NSMCE4A: variants seen among roughly 807,000 people sequenced by gnomAD.
NSMCE4A encodes the protein NSE4A component of SMC5/6 complex.
Under a neutral mutation model 47.9 loss-of-function variants are expected in NSMCE4A, and 40 were observed. The ratio of observed to expected loss-of-function variants is 0.83; its 90% CI spans 0.65 to 1.09. The LOEUF (loss-of-function observed/expected upper bound fraction) is 1.09. Among genes scored for constraint, NSMCE4A ranks in the 50% least tolerant of loss-of-function variants. The probability of loss-of-function intolerance (pLI) is 0.00; values close to 1 mark genes in which losing one functional copy is unlikely to be tolerated. For missense variants in NSMCE4A, 500 were observed against 507.0 expected (o/e 0.99, Z 0.13); for synonymous variants, 166 against 178.5 (o/e 0.93, Z 0.56).
At chr10:121,967,932 G>T in intron 3 of NSMCE4A, 126 bp from the exon 4 acceptor site, 1 of 887,808 alleles carries the variant, frequency 1.1e-6, no homozygotes, top group Admixed American at 2.8e-5. Flanking sequence ...GTCTTAACAT[G>T]CTGGCTAAAT....
intron 3 of NSMCE4A, among the ~76,000 whole-genome samples, chr10:121,968,230 C>T (rs1952643313): frequency 6.6e-6 from 1 of 152,104 alleles, no homozygotes; most frequent in South Asian, 2.1e-4. Flanking sequence ...CAAAGACATG[C>T]CCAGCTCAAA....
At chr10:121,970,824 T>C (rs966594497) in intron 3 of NSMCE4A, 115 bp downstream of exon 3, 24 of 962,598 alleles carry the variant, frequency 2.5e-5, no homozygotes, top group Non-Finnish European at 3.4e-5. Context: ...CAGAGGAATC[T>C]GAGACCAAAA....
intron 10 of NSMCE4A, 72 bp downstream of exon 10, chr10:121,959,252 G>T: frequency 1.5e-6 from 2 of 1,332,842 alleles, no homozygotes; most frequent in South Asian, 1.2e-5. Context: ...CACTGGAATG[G>T]GGAAAAGGGA....
At chr10:121,959,708 T>A in intron 8 of NSMCE4A, 113 bp from the exon 9 acceptor site, 2 of 685,008 alleles carry the variant, frequency 2.9e-6, no homozygotes, top group Admixed American at 5.2e-5. Flanking sequence ...AAGATACTTA[T>A]AATATTACAT....
In NSMCE4A at chr10:121,960,587, T is replaced by C. The variant is rs928758130; in HGVS notation, c.940-181A>G. Among the ~76,000 whole-genome samples the C allele has an allele frequency of 6.6e-6, 1 of 152,170 alleles. No homozygotes were observed. The highest frequency in any genetic ancestry group is 1.5e-5 in the Non-Finnish European group (1 of 68,010). ...TATCTTTTATTTACACAGGGTATCT[T>C]TGGGTTTCTAATCAGCTCTTTCACC... On this transcript the variant is annotated intron_variant, in intron 7 of 10. Coordinates refer to ENST00000369023, the MANE Select transcript of NSMCE4A (RefSeq NM_017615.3). The surrounding 1 kb of genome is among the most constrained non-coding windows in gnomAD (Gnocchi z 4.2).
intron 10 of NSMCE4A, among the ~76,000 whole-genome samples, chr10:121,958,825 C>CTTTTTTTTTTTTTT (rs778070060): frequency 0.085 from 12,259 of 144,836 alleles, 829 homozygotes; most frequent in East Asian, 0.12. Flanking sequence ...AGCTGCAAGT[C>CTTTTTTTTTTTTTT]TTTTTTTTGA....
chr10:121,971,421 G>T (rs1952709137), intron 2 of NSMCE4A, among the ~76,000 whole-genome samples: 2 of 152,104 alleles, frequency 1.3e-5, no homozygotes, highest in Admixed American at 1.3e-4. Context: ...GAGGCAGAAT[G>T]GCGTGAACCC....
intron 6 of NSMCE4A, 108 bp from the exon 7 acceptor site, chr10:121,961,625 G>T: frequency 1.5e-6 from 1 of 654,758 alleles, no homozygotes; most frequent in Non-Finnish European, 2.4e-6. Flanking sequence ...TCCTGCTGCA[G>T]GAGTGCAAAT....
At chr10:121,973,968 A>G (rs41317248) in intron 2 of NSMCE4A, 36 bp downstream of exon 2, 2 of 1,421,082 alleles carry the variant, frequency 1.4e-6, no homozygotes, top group South Asian at 2.5e-5. Flanking sequence ...TAAAAGTATC[A>G]TAAAACACGA....
At position 121,961,410 on chromosome 10, in the gene NSMCE4A, T is replaced by A; in HGVS notation, c.939+13A>T. 10 of 1,523,790 alleles carry A rather than the reference T, an allele frequency of 6.6e-6. No individual in the cohort carries two copies. Among genetic ancestry groups the A allele is most frequent in the South Asian group, 1.2e-5 (1 of 80,504 alleles). 94.4% of individuals were successfully genotyped at this position (1,523,790 alleles called of 1,614,324 possible). A position where few individuals can be genotyped will look rare whatever the true frequency, so the allele number is the denominator to read the frequency against. On this transcript the variant is annotated intron_variant, in intron 7 of 10. Coordinates refer to ENST00000369023, the MANE Select transcript of NSMCE4A (RefSeq NM_017615.3). ...CATATAAAAGCAATTAGAAAAATAA[T>A]CTTTAATCTTACCCGTATAATGAAG...
chr10:121,964,434 C>CTGTGCCTGGCCTCAGTAACATTTTCATAT (rs1181981117), intron 5 of NSMCE4A, among the ~76,000 whole-genome samples: 10 of 150,742 alleles, frequency 6.6e-5, no homozygotes, highest in Admixed American at 2.0e-4. Context: ...GCGTAAGCCA[C>CTGTGCCTGGCCTCAGTAACATTTTCATAT]CACACTCGGG....
intron 5 of NSMCE4A, among the ~76,000 whole-genome samples, chr10:121,963,852 G>A (rs10788225): frequency 0.92 from 138,602 of 150,868 alleles, 64,784 homozygotes; most frequent in East Asian, 1. Context: ...TAATCCCTGC[G>A]CTGTAGGAGG....
intron 3 of NSMCE4A, 140 bp downstream of exon 3, chr10:121,970,799 T>C (rs1952693119): frequency 2.9e-6 from 2 of 683,268 alleles, no homozygotes; most frequent in Non-Finnish European, 4.4e-6. Context: ...TCTGTTTAAA[T>C]TGGTAAGATC....
intron 2 of NSMCE4A, among the ~76,000 whole-genome samples, chr10:121,972,147 C>A (rs1269330157): frequency 2.0e-5 from 3 of 152,116 alleles, no homozygotes; most frequent in Non-Finnish European, 4.4e-5. Flanking sequence ...CGTGGTGAAA[C>A]CCCATCTCTA....
intron 8 of NSMCE4A, chr10:121,959,922 C>T (rs1952467884): frequency 1.4e-5 from 5 of 353,790 alleles, no homozygotes; most frequent in African/African-American, 2.1e-5. Flanking sequence ...CAAGTAAGTG[C>T]GATGGAAATA....
At chr10:121,962,781 T>C (rs1434985447) in intron 6 of NSMCE4A, among the ~76,000 whole-genome samples, 1 of 151,878 alleles carries the variant, frequency 6.6e-6, no homozygotes, top group African/African-American at 2.4e-5. Context: ...CCCGGTTAAT[T>C]TTGTATTTTT....
intron 5 of NSMCE4A, among the ~76,000 whole-genome samples, chr10:121,964,588 C>T (rs1322006890): frequency 2.0e-5 from 3 of 152,098 alleles, no homozygotes; most frequent in African/African-American, 7.2e-5. Context: ...ACTACAGGCA[C>T]CTGCCACCAT....
chr10:121,964,662 G>A (rs1022233745), intron 5 of NSMCE4A, among the ~76,000 whole-genome samples: 1 of 145,320 alleles, frequency 6.9e-6, no homozygotes, highest in Non-Finnish European at 1.5e-5. Flanking sequence ...GGCTGGTCTC[G>A]AACTCCTGAC....
intron 10 of NSMCE4A, among the ~76,000 whole-genome samples, chr10:121,958,600 A>G (rs181965976): frequency 1.9e-3 from 290 of 152,220 alleles, no homozygotes; most frequent in African/African-American, 6.7e-3. Flanking sequence ...CACTTATCTA[A>G]TTTACCAGTT....
Sources: allele counts gnomAD v4.1 joint callset (sites outside exome capture counted in the v4.1 genomes callset), GRCh38; gene constraint gnomAD v4.1.1; non-coding constraint Gnocchi (gnomAD v3.1); transcripts MANE v1.5; gene names NCBI Gene and HGNC (gene_info 2026-07-23, HGNC 2026-07-21).